SNX30: variants seen among roughly 807,000 people sequenced by gnomAD.
SNX30 encodes sorting nexin-30.
Under a neutral mutation model 46.4 loss-of-function variants are expected in SNX30, and 24 were observed. The observed-to-expected ratio is 0.52, with a 90% CI of 0.37 to 0.73. The LOEUF is 0.73. Among genes scored for constraint, SNX30 ranks in the 30% least tolerant of loss-of-function variants. The pLI, the probability that SNX30 is intolerant of heterozygous loss-of-function variation, is 0.00. For missense variants in SNX30, 533 were observed against 555.7 expected, an observed-to-expected ratio of 0.96 and a Z score of 0.41; for synonymous variants, 189 against 211.5, an observed-to-expected ratio of 0.89 and a Z score of 0.92.
chr9:112,879,822 G>T, downstream of SNX30: 1 of 1,612,366 alleles, frequency 6.2e-7, no homozygotes, highest in Non-Finnish European at 8.5e-7. Flanking sequence ...CCACGATGCT[G>T]TAAGAATTGA....
exon 6 of SNX30, chr9:112,881,563 T>C (rs770263169): frequency 3.3e-5 from 5 of 152,350 alleles, no homozygotes; most frequent in Non-Finnish European, 7.3e-5. Context: ...CCCAGGCAGC[T>C]CTGGGGTGTG....
rs1588112185 is a variant in SNX30, at chr9:112,775,844, C to T, written c.156+24687C>T. Among the ~76,000 whole-genome samples the T allele has an allele frequency of 2.1e-5, 3 of 144,730 alleles. No individual in the cohort carries two copies. In the South Asian group the frequency reaches 6.7e-4, roughly 32 times the overall value. The allele number at this position is 144,730 out of a possible 152,430, so 94.9% of individuals were successfully genotyped here. On this transcript the variant is annotated intron_variant, in intron 1 of 8. Coordinates refer to ENST00000374232, the MANE Select transcript of SNX30 (RefSeq NM_001012994.2). The stretch of plus-strand genomic sequence containing the variant: ...TTACTTTTTTGTACCACGCTTTACA[C>T]ATAACCTTAGTTCTTGGCGATTGTT...
intron 1 of SNX30, among the ~76,000 whole-genome samples, chr9:112,794,650 T>A (rs1488333846): frequency 1.3e-5 from 2 of 152,260 alleles, no homozygotes; most frequent in Non-Finnish European, 2.9e-5. Context: ...GAAATTAGAT[T>A]GTTTTAGCAT....
intron 4 of SNX30, among the ~76,000 whole-genome samples, chr9:112,834,882 A>ACACACCC (rs56385707): frequency 1.9e-5 from 2 of 105,252 alleles, no homozygotes; most frequent in African/African-American, 5.9e-5. Flanking sequence ...ACACACACAC[A>ACACACCC]CCTACCTCAA....
At chr9:112,834,809 G>A (rs1226176051) in intron 4 of SNX30, among the ~76,000 whole-genome samples, 1 of 148,784 alleles carries the variant, frequency 6.7e-6, no homozygotes, top group African/African-American at 2.5e-5. Flanking sequence ...GAGGTTATGA[G>A]CCAGGAACCG....
chr9:112,863,469 C>G (rs1008306904), intron 7 of SNX30, among the ~76,000 whole-genome samples: 8 of 152,204 alleles, frequency 5.3e-5, no homozygotes. Flanking sequence ...GTGAAATTCA[C>G]CAAAGCAAAG....
intron 1 of SNX30, among the ~76,000 whole-genome samples, chr9:112,777,986 T>C (rs1157876360): frequency 6.6e-6 from 1 of 152,160 alleles, no homozygotes; most frequent in African/African-American, 2.4e-5. Context: ...GTATGTGTTT[T>C]TTGCTCTAGG....
intron 2 of SNX30, among the ~76,000 whole-genome samples, chr9:112,809,171 C>T (rs1840277925): frequency 6.6e-6 from 1 of 151,842 alleles, no homozygotes; most frequent in Non-Finnish European, 1.5e-5. Context: ...ACTGCGGCCT[C>T]CGCCTCCCAG....
At chr9:112,792,997 C>CT (rs1840051319) in intron 1 of SNX30, among the ~76,000 whole-genome samples, 1 of 151,290 alleles carries the variant, frequency 6.6e-6, no homozygotes, top group Non-Finnish European at 1.5e-5. Flanking sequence ...AGGACTCTTG[C>CT]TTTTTTTGTG....
chr9:112,867,002 G>C (rs1841362974), intron 8 of SNX30, among the ~76,000 whole-genome samples: 1 of 147,138 alleles, frequency 6.8e-6, no homozygotes, highest in African/African-American at 2.5e-5. Flanking sequence ...TCCCTCCTCA[G>C]AACTCCTCCC....
chr9:112,852,132 A>G (rs2131483848), intron 7 of SNX30, among the ~76,000 whole-genome samples: 1 of 152,000 alleles, frequency 6.6e-6, no homozygotes, highest in Admixed American at 6.6e-5. Flanking sequence ...GCCTCCTCTT[A>G]CTGGGGAGGT....
chr9:112,858,103 T>C (rs1463479195), intron 7 of SNX30, among the ~76,000 whole-genome samples: 10 of 152,212 alleles, frequency 6.6e-5, no homozygotes, highest in Non-Finnish European at 1.2e-4. Context: ...TATTTTTCCT[T>C]GGTGTCATGA....
chr9:112,813,028 T>C (rs1840343636), intron 2 of SNX30, among the ~76,000 whole-genome samples: 1 of 152,072 alleles, frequency 6.6e-6, no homozygotes, highest in African/African-American at 2.4e-5. Context: ...ACGCCTGTAG[T>C]CCCAGCTACT....
intron 8 of SNX30, among the ~76,000 whole-genome samples, chr9:112,865,777 A>ATGTG (rs745910215): frequency 2.0e-5 from 3 of 146,904 alleles, no homozygotes; most frequent in Non-Finnish European, 4.5e-5. Flanking sequence ...GTATGTATGT[A>ATGTG]TATATATATA....
chr9:112,795,468 G>T (rs576229871), intron 1 of SNX30, among the ~76,000 whole-genome samples: 1 of 152,230 alleles, frequency 6.6e-6, no homozygotes, highest in South Asian at 2.1e-4. Flanking sequence ...TCGTTTCTAA[G>T]ATTCATTCAT....
intron 1 of SNX30, among the ~76,000 whole-genome samples, chr9:112,763,802 T>C (rs1839483804): frequency 6.6e-6 from 1 of 151,044 alleles, no homozygotes; most frequent in Non-Finnish European, 1.5e-5. Flanking sequence ...TGAGCCAAGA[T>C]TGTGCCACTG....
chr9:112,884,413 G>T (rs1841620012), downstream of SNX30, among the ~76,000 whole-genome samples: 1 of 152,160 alleles, frequency 6.6e-6, no homozygotes, highest in African/African-American at 2.4e-5. Flanking sequence ...GTACAGCCTT[G>T]GCCCCTCCTA....
chr9:112,846,584 C>T (rs913630756), intron 6 of SNX30, among the ~76,000 whole-genome samples: 8 of 152,192 alleles, frequency 5.3e-5, no homozygotes, highest in Non-Finnish European at 8.8e-5. Context: ...CACAGGGCTA[C>T]GTGCGTATTT....
At chr9:112,784,578 C>G (rs959746965) in intron 1 of SNX30, among the ~76,000 whole-genome samples, 1 of 152,126 alleles carries the variant, frequency 6.6e-6, no homozygotes, top group Non-Finnish European at 1.5e-5. Context: ...GTGTTCCGTG[C>G]CAGGAACACC....
Sources: gnomAD v4.1 joint callset for allele counts (sites outside exome capture counted in the v4.1 genomes callset) on GRCh38, gnomAD v4.1.1 for gene constraint, MANE v1.5 for transcripts, NCBI Gene and HGNC (gene_info 2026-07-23, HGNC 2026-07-21) for gene names.